The following FOXN3 variants were observed in gnomAD, a reference collection of about 807,000 sequenced individuals.
FOXN3 encodes the protein forkhead box protein N3.
In FOXN3, 7 loss-of-function variants were observed where a neutral mutation model predicts 38.4. The ratio of observed to expected loss-of-function variants is 0.18; its 90% CI spans 0.10 to 0.34. FOXN3 has a LOEUF of 0.34. FOXN3 is among the 10% of genes least tolerant of loss of function. FOXN3 has a pLI of 1.00. For missense variants in FOXN3, 456 were observed against 613.4 expected, an observed-to-expected ratio of 0.74 and a Z score of 2.71; for synonymous variants, 230 against 242.2, an observed-to-expected ratio of 0.95 and a Z score of 0.47.
At chr14:89,538,350 A>G (rs952477419) in intron 1 of FOXN3, among the ~76,000 whole-genome samples, 1 of 152,216 alleles carries the variant, frequency 6.6e-6, no homozygotes, top group African/African-American at 2.4e-5. Context: ...GGATCAAAAA[A>G]CGAAGGCCTC....
chr14:89,213,339 T>G (rs112395039), intron 4 of FOXN3, among the ~76,000 whole-genome samples: 3 of 152,356 alleles, frequency 2.0e-5, no homozygotes, highest in African/African-American at 7.2e-5. Flanking sequence ...AGACAGGGGC[T>G]CATTCTTAGA....
intron 4 of FOXN3, among the ~76,000 whole-genome samples, chr14:89,240,981 G>A (rs1885123982): frequency 6.6e-6 from 1 of 152,024 alleles, no homozygotes; most frequent in Non-Finnish European, 1.5e-5. Context: ...CTCAATACTT[G>A]CCACCCACAA....
In FOXN3 at chr14:89,350,562, T is replaced by C. The variant is rs1235742038; in HGVS notation, c.680+110A>G. ...ATACTTAATTTCTTTCTCATTTACCTGCAGTTATTTTTAAAATCTCGTACG... is the reference window on the plus strand; with the variant it reads ...ATACTTAATTTCTTTCTCATTTACCCGCAGTTATTTTTAAAATCTCGTACG... On this transcript the variant is annotated intron_variant, in intron 3 of 5. Coordinates refer to ENST00000557258, the MANE Select transcript of FOXN3 (RefSeq NM_005197.4). 1.4e-5 allele frequency: 13 copies of C among 935,204 alleles called. 1 individual carries two copies. In the South Asian group the frequency reaches 2.4e-4, roughly 17 times the overall value. The allele number at this position is 935,204 out of a possible 1,614,324, so 57.9% of individuals were successfully genotyped here.
At chr14:89,253,187 G>A (rs375357161) in intron 4 of FOXN3, among the ~76,000 whole-genome samples, 3 of 152,192 alleles carry the variant, frequency 2.0e-5, no homozygotes, top group African/African-American at 7.2e-5. Flanking sequence ...CCTGCACCTG[G>A]GGAGGGGACC....
chr14:89,193,563 G>C (rs1444706653), intron 4 of FOXN3, among the ~76,000 whole-genome samples: 2 of 152,088 alleles, frequency 1.3e-5, no homozygotes, highest in Non-Finnish European at 2.9e-5. Flanking sequence ...ATCAAAGATG[G>C]GGTGTCAATA....
chr14:89,531,118 CATAAT>C (rs1894556920), intron 1 of FOXN3, among the ~76,000 whole-genome samples: 1 of 148,186 alleles, frequency 6.7e-6, no homozygotes, highest in African/African-American at 2.5e-5. Context: ...TACACACACA[CATAAT>C]ATATATACAC....
At chr14:89,562,056 G>A (rs1284944828) in intron 1 of FOXN3, among the ~76,000 whole-genome samples, 1 of 151,978 alleles carries the variant, frequency 6.6e-6, no homozygotes, top group Admixed American at 6.6e-5. Context: ...ACTTGGACTT[G>A]GTGTAAAAAA....
chr14:89,376,590 C>T (rs1370711889), intron 2 of FOXN3, among the ~76,000 whole-genome samples: 1 of 152,194 alleles, frequency 6.6e-6, no homozygotes, highest in African/African-American at 2.4e-5. Context: ...TTGCCAAAAA[C>T]ACACCTTCCA....
chr14:89,272,460 A>G (rs1306669674), intron 4 of FOXN3, among the ~76,000 whole-genome samples: 2 of 152,238 alleles, frequency 1.3e-5, no homozygotes, highest in Non-Finnish European at 2.9e-5. Flanking sequence ...AGGAGTAATT[A>G]TATCTTTAGA....
At chr14:89,224,725 C>T (rs927542119) in intron 4 of FOXN3, among the ~76,000 whole-genome samples, 5 of 152,146 alleles carry the variant, frequency 3.3e-5, no homozygotes, top group African/African-American at 4.8e-5. Context: ...AAAGAACATA[C>T]ATCAATGAAG....
chr14:89,256,352 A>C (rs1291997720), intron 4 of FOXN3, among the ~76,000 whole-genome samples: 1 of 152,212 alleles, frequency 6.6e-6, no homozygotes, highest in Non-Finnish European at 1.5e-5. Flanking sequence ...AGGCTTGGAC[A>C]GATGATTGAT....
chr14:89,544,093 C>CT (rs573929699), intron 1 of FOXN3, among the ~76,000 whole-genome samples: 34 of 151,520 alleles, frequency 2.2e-4, no homozygotes, highest in African/African-American at 6.5e-4. Context: ...TAAGAGATTG[C>CT]TTTTTTTTGT....
At chr14:89,570,827 A>G (rs568162485) in intron 1 of FOXN3, among the ~76,000 whole-genome samples, 1 of 152,276 alleles carries the variant, frequency 6.6e-6, no homozygotes, top group Non-Finnish European at 1.5e-5. Flanking sequence ...TTGGACCTCA[A>G]GTTCAGTTGT....
At position 89,156,725 on chromosome 14, in the gene FOXN3, A is replaced by G. The variant is rs1284330123; in HGVS notation, c.*5689T>C. The G allele has an allele frequency of 2.6e-5, 4 of 152,052 alleles. No homozygotes were observed. Among genetic ancestry groups the G allele is most frequent in the Non-Finnish European group, 1.5e-5 (1 of 68,024 alleles). 9.4% of individuals were successfully genotyped at this position (152,052 alleles called of 1,614,324 possible). A position where few individuals can be genotyped will look rare whatever the true frequency, so the allele number is the denominator to read the frequency against. ...ATGTACAAGTGTATATGCTTCCCAG[A>G]CACACATGGATACATTTTTCCTCCA... On this transcript the variant is annotated 3_prime_UTR_variant, in exon 6 of 6. Transcript: ENST00000557258.
rs577325680 is a variant in FOXN3 at position 89,544,341 on chromosome 14, T to C, written c.-15+74687A>G. ...CAGGCGTGAGCCACTGTGCTGGGCC[T>C]TTTTTTTTTTAAGACAGGGTCTTGC... On this transcript the variant is annotated intron_variant, in intron 1 of 6. Coordinates refer to the FOXN3 transcript ENST00000345097. 2.2e-4 allele frequency among the ~76,000 whole-genome samples: 31 copies of C among 143,472 alleles called. 1 individual carries two copies. In the East Asian group the frequency reaches 6.1e-3, roughly 28 times the overall value. 94.1% of individuals were successfully genotyped at this position (143,472 alleles called of 152,430 possible).
intron 1 of FOXN3, among the ~76,000 whole-genome samples, chr14:89,468,456 AACAC>A (rs550963380): frequency 2.4e-4 from 35 of 148,710 alleles, no homozygotes; most frequent in Middle Eastern, 3.4e-3. Context: ...TGTGTCTCAA[AACAC>A]ACACACACAC....
chr14:89,281,003 G>A lies in FOXN3; in HGVS notation c.692C>T (p.Pro231Leu). Residue 231 changes from proline to leucine, a missense_variant, in exon 4 of 6, where the codon CCA becomes CTA. By Grantham distance (98) the Pro-to-Leu change is moderately conservative (BLOSUM62 -3). Coordinates refer to ENST00000557258, the MANE Select transcript of FOXN3 (RefSeq NM_005197.4). ...CPQAYQSTSG[P>L]PIWPGSTFFK... is the part of the protein sequence containing the mutation. ...GAAGGTACTGCCCGGCCAGATGGGT[G>A]GACCTGATGTGCTGAAAGAGAAAAG... 1 of 1,613,642 alleles carries A rather than the reference G, an allele frequency of 6.2e-7. No homozygotes were observed.
chr14:89,366,154 GA>G (rs1890136428), intron 2 of FOXN3, among the ~76,000 whole-genome samples: 1 of 152,028 alleles, frequency 6.6e-6, no homozygotes, highest in Non-Finnish European at 1.5e-5. Context: ...TCGGGAGGCT[GA>G]GGCAGGAGAA....
chr14:89,529,425 A>G (rs916308376), intron 1 of FOXN3, among the ~76,000 whole-genome samples: 4 of 152,202 alleles, frequency 2.6e-5, no homozygotes, highest in East Asian at 3.8e-4. Flanking sequence ...AGGCAGTACA[A>G]TTGCAAAGTC....
Sources: gnomAD v4.1 joint callset for allele counts (sites outside exome capture counted in the v4.1 genomes callset) on GRCh38, gnomAD v4.1.1 for gene constraint, MANE v1.5 for transcripts, NCBI Gene and HGNC (gene_info 2026-07-23, HGNC 2026-07-21) for gene names.